Variants in SEL1L observed in about 807,000 individuals in gnomAD.
SEL1L encodes the protein protein sel-1 homolog 1.
SEL1L carries 52 observed loss-of-function variants against 109.8 expected under a neutral mutation model. The observed-to-expected ratio is 0.47, with a 90% CI of 0.38 to 0.60. SEL1L has a LOEUF of 0.60. SEL1L is among the 20% of genes least tolerant of loss of function. The probability of loss-of-function intolerance (pLI) is 0.00; values close to 1 mark genes in which losing one functional copy is unlikely to be tolerated. For synonymous variants in SEL1L, 373 were observed against 339.6 expected, an observed-to-expected ratio of 1.10 and a Z score of -1.08; for missense variants, 749 against 962.2, an observed-to-expected ratio of 0.78 and a Z score of 2.93.
At chr14:81,495,571 G>A (rs1219318067) in intron 10 of SEL1L, among the ~76,000 whole-genome samples, 6 of 152,114 alleles carry the variant, frequency 3.9e-5, no homozygotes, top group African/African-American at 7.2e-5. Context: ...TGGAGAGGTC[G>A]AGGCTGCAGT....
rs1903119619 is a variant in SEL1L at position 81,475,152 on chromosome 14, C to T, written c.*1820G>A. On this transcript the variant is annotated 3_prime_UTR_variant, in exon 21 of 21. Coordinates refer to ENST00000336735, the MANE Select transcript of SEL1L (RefSeq NM_005065.6). ...GTGGTGGAGACACCAAAGTACTGTA[C>T]CAACTGCACTCAAATCTCTACATGT... is the stretch of plus-strand genomic sequence containing the variant. 6.6e-6 allele frequency: 1 copy of T among 152,146 alleles called. No homozygotes were observed. The highest frequency in any genetic ancestry group is 2.1e-4 in the South Asian group (1 of 4,830). The allele number at this position is 152,146 out of a possible 1,614,324, so 9.4% of individuals were successfully genotyped here.
In SEL1L at chr14:81,472,900, G is replaced by A. The variant is rs1903049701; in HGVS notation, c.*4072C>T. On this transcript the variant is annotated 3_prime_UTR_variant, in exon 21 of 21. Transcript: ENST00000336735. Reference sequence around the variant, plus strand: ...CTGTCTGGAAAGGTGCTTGGTTGTGGTATATTACAGCATACAGGATAACCA... The same window carrying A: ...CTGTCTGGAAAGGTGCTTGGTTGTGATATATTACAGCATACAGGATAACCA... 4.6e-6 allele frequency: 1 copy of A among 218,780 alleles called. No individual in the cohort carries two copies. Among genetic ancestry groups the A allele is most frequent in the Non-Finnish European group, 9.3e-6 (1 of 107,934 alleles). 13.6% of individuals were successfully genotyped at this position (218,780 alleles called of 1,614,324 possible).
rs1263347414 is a variant in SEL1L, at chr14:81,477,109, T to C, written c.2248A>G (p.Ile750Val). The change falls in exon 21 of 21, where the codon ATC becomes GTC. Residue 750 changes from isoleucine (I) to valine (V), a missense_variant. Ile to Val is a conservative substitution (Grantham distance 29). Coordinates refer to ENST00000336735, the MANE Select transcript of SEL1L (RefSeq NM_005065.6). ...ACTGTTCCCAACAGCAGCGCAATGA[T>C]GGTCATGAGGTAAAGGTCCCACTCA... is the stretch of plus-strand genomic sequence containing the variant. ...GPEWDLYLMT[I>V]IALLLGTVIA... 4 of 1,614,030 alleles carry C rather than the reference T, an allele frequency of 2.5e-6. No individual in the cohort carries two copies. The highest frequency in any genetic ancestry group is 3.4e-6 in the Non-Finnish European group (4 of 1,180,028).
chr14:81,505,421 A>G (rs77913169), intron 4 of SEL1L, among the ~76,000 whole-genome samples: 2,994 of 152,304 alleles, frequency 0.02, 98 homozygotes, highest in African/African-American at 0.068. Context: ...TGGTGCATTA[A>G]CTGGAGTACC....
Position 81,498,436 on chromosome 14 carries a change from T to C in SEL1L, c.950A>G (p.His317Arg). 1 of 1,613,878 alleles carries C rather than the reference T, an allele frequency of 6.2e-7. No individual in the cohort carries two copies. The highest frequency in any genetic ancestry group is 8.5e-7 in the Non-Finnish European group (1 of 1,179,884). Residue 317 changes from histidine (H) to arginine (R), a missense_variant, in exon 9 of 21, where the codon CAC becomes CGC. His to Arg is a conservative substitution (Grantham distance 29). Transcript: ENST00000336735. Reference sequence around the variant, plus strand: ...ACCATGATTGGCAACAAGACGATAGTGAGTCAGGGCAGATTCACAACTCTG... The same window carrying C: ...ACCATGATTGGCAACAAGACGATAGCGAGTCAGGGCAGATTCACAACTCTG... The part of the protein sequence containing the change: ...VLQSCESALT[H>R]YRLVANHVAS...
At chr14:81,499,397 C>G in intron 8 of SEL1L, 62 bp downstream of exon 8, 2 of 1,567,582 alleles carry the variant, frequency 1.3e-6, no homozygotes, top group Non-Finnish European at 1.7e-6. Flanking sequence ...AAGTTGTGGC[C>G]GCTATAAACC....
intron 10 of SEL1L, 119 bp downstream of exon 10, chr14:81,497,773 T>TTAGAA: frequency 1.1e-6 from 1 of 878,188 alleles, no homozygotes; most frequent in South Asian, 1.9e-5. Context: ...TAATATGTAG[T>TTAGAA]TCATAATTGC....
At chr14:81,492,459 C>T (rs1287928907) in intron 12 of SEL1L, 21 bp downstream of exon 12, 10 of 1,576,836 alleles carry the variant, frequency 6.3e-6, no homozygotes, top group Non-Finnish European at 8.7e-6. Flanking sequence ...TTACATAAAA[C>T]ATTCACAGGA....
Position 81,526,918 on chromosome 14 carries a change from C to A in SEL1L, c.155G>T (p.Gly52Val). 1 of 1,603,072 alleles carries A rather than the reference C, an allele frequency of 6.2e-7. No individual in the cohort carries two copies. The highest frequency in any genetic ancestry group is 1.1e-5 in the South Asian group (1 of 88,890). Residue 52 changes from glycine to valine, a missense_variant, in exon 3 of 21, where the codon GGC becomes GTC. This residue lies in a region of SEL1L where 366 missense variants were observed against 399.8 expected (regional missense o/e 0.92). Coordinates refer to ENST00000336735, the MANE Select transcript of SEL1L (RefSeq NM_005065.6). Reference protein sequence around the residue: ...DESVKDHTTAGRVVAGQIFLD... With the variant: ...DESVKDHTTAVRVVAGQIFLD... ...AAATATTTGACCAGCAACTACTCTG[C>A]CTGCAGTAGTATGGTCCTTTACTGA...
Position 81,477,015 on chromosome 14 carries a change from G to A in SEL1L, c.2342C>T (p.Pro781Leu). 1.2e-6 allele frequency: 2 copies of A among 1,614,186 alleles called. No individual in the cohort carries two copies. The highest frequency in any genetic ancestry group is 1.7e-6 in the Non-Finnish European group (2 of 1,180,044). Residue 781 changes from proline (P) to leucine (L), a missense_variant, in exon 21 of 21, where the codon CCA becomes CTA. Physicochemically the swap from Pro to Leu is moderately conservative, Grantham distance 98. Coordinates refer to ENST00000336735, the MANE Select transcript of SEL1L (RefSeq NM_005065.6). ...CTCTGGTGGCCCCTCCTGCTGGGGT[G>A]GAGCTGGCCGTGGCCCTGGAGGCCT... ...APRPPGPRPA[P>L]PQQEGPPEQQ...
chr14:81,526,859 T>G lies in SEL1L; in HGVS notation c.214A>C (p.Ile72Leu). ...TTGAGGCTGTCTTCCTCTTCTTGAA[T>G]AGAGGATTCTAATTCAGATTCTTCT... ...DSEESELESS[I>L]QEEEDSLKSQ... is the part of the protein sequence containing the mutation. Residue 72 changes from isoleucine (I) to leucine (L), a missense_variant, in exon 3 of 21, where the codon ATT becomes CTT. Physicochemically the swap from Ile to Leu is conservative, Grantham distance 5 (BLOSUM62 2). This residue lies in a region of SEL1L where 366 missense variants were observed against 399.8 expected (regional missense o/e 0.92). Coordinates refer to ENST00000336735, the MANE Select transcript of SEL1L (RefSeq NM_005065.6). The G allele has an allele frequency of 6.2e-7, 1 of 1,600,528 alleles. No individual in the cohort carries two copies. The highest frequency in any genetic ancestry group is 1.3e-5 in the African/African-American group (1 of 74,134).
In SEL1L at chr14:81,474,036, C is replaced by T. The variant is rs1297357325; in HGVS notation, c.*2936G>A. 6.6e-6 allele frequency: 1 copy of T among 151,918 alleles called. No individual in the cohort carries two copies. Among genetic ancestry groups the T allele is most frequent in the Non-Finnish European group, 1.5e-5 (1 of 67,968 alleles). 9.4% of individuals were successfully genotyped at this position (151,918 alleles called of 1,614,324 possible). A position where few individuals can be genotyped will look rare whatever the true frequency, so the allele number is the denominator to read the frequency against. On this transcript the variant is annotated 3_prime_UTR_variant, in exon 21 of 21. Transcript: ENST00000336735. ...GAATGGCTTAGTGGTAAGACTCTCA[C>T]ATGTAAGGTAAAAATTAACCTAATA...
At position 81,486,469 on chromosome 14, in the gene SEL1L, G is replaced by GA. The variant is rs769177565; in HGVS notation, c.1633-16dup. On this transcript the variant is annotated splice_polypyrimidine_tract_variant and intron_variant, in intron 16 of 20. Coordinates refer to ENST00000336735, the MANE Select transcript of SEL1L (RefSeq NM_005065.6). ...TTCTTAAACAACTGTGTGAGGTGGG[G>GA]AAAAAAAATATCAGTAGAAGAAAAT... is the stretch of plus-strand genomic sequence containing the variant. 3.1e-6 allele frequency: 5 copies of GA among 1,600,612 alleles called. No individual in the cohort carries two copies. The highest frequency in any genetic ancestry group is 1.7e-4 in the Middle Eastern group (1 of 5,966).
In SEL1L at chr14:81,473,069, C is replaced by T. The variant is rs1903054073; in HGVS notation, c.*3903G>A. On this transcript the variant is annotated 3_prime_UTR_variant, in exon 21 of 21. Transcript: ENST00000336735. Reference sequence around the variant, plus strand: ...TTTCATTAAATACAAAATACATTTACAAAAAGAGTCTACCATGGTGTTCCT... The same window carrying T: ...TTTCATTAAATACAAAATACATTTATAAAAAGAGTCTACCATGGTGTTCCT... The T allele has an allele frequency of 6.6e-6, 1 of 152,516 alleles. No homozygotes were observed. Among genetic ancestry groups the T allele is most frequent in the Non-Finnish European group, 1.5e-5 (1 of 68,184 alleles). The allele number at this position is 152,516 out of a possible 1,614,324, so 9.4% of individuals were successfully genotyped here. A position where few individuals can be genotyped will look rare whatever the true frequency, so the allele number is the denominator to read the frequency against.
chr14:81,480,796 A>T (rs563234612), intron 19 of SEL1L, among the ~76,000 whole-genome samples: 1 of 152,212 alleles, frequency 6.6e-6, no homozygotes, highest in Non-Finnish European at 1.5e-5. Flanking sequence ...TGCAGCTTCC[A>T]TATGTGCTTT....
chr14:81,492,560 G>T lies in SEL1L; in HGVS notation c.1186-12C>A, dbSNP rs564848053. The T allele has an allele frequency of 2.6e-6, 4 of 1,557,734 alleles. No homozygotes were observed. Among genetic ancestry groups the T allele is most frequent in the South Asian group, 1.2e-5 (1 of 84,466 alleles). On this transcript the variant is annotated splice_polypyrimidine_tract_variant and intron_variant, in intron 11 of 20. Coordinates refer to ENST00000336735, the MANE Select transcript of SEL1L (RefSeq NM_005065.6). ...TAGTCAAATGCTCTCTATGAGAAAAGAATTTATTAAAATAATTAGTTTTTA... is the reference window on the plus strand; with the variant it reads ...TAGTCAAATGCTCTCTATGAGAAAATAATTTATTAAAATAATTAGTTTTTA...
In SEL1L at chr14:81,528,054, T is replaced by A. The variant is rs151046218; in HGVS notation, c.71-316A>T. Among the ~76,000 whole-genome samples, 1,163 of 152,252 alleles carry A rather than the reference T, an allele frequency of 7.6e-3. 6 individuals carry two copies. The highest frequency in any genetic ancestry group is 0.024 in the South Asian group (114 of 4,832). On this transcript the variant is annotated intron_variant, in intron 1 of 20. Transcript: ENST00000336735. ...TCACATTCCATCCAATTCTTGTGGG[T>A]CTATTTAGTCTATTTCTGAGAATGA... is the stretch of plus-strand genomic sequence containing the variant.
At chr14:81,510,514 C>CTCTATA (rs35474067) in intron 3 of SEL1L, among the ~76,000 whole-genome samples, 1,139 of 103,990 alleles carry the variant, frequency 0.011, 15 homozygotes, top group Middle Eastern at 0.022. Flanking sequence ...CTCTCTCTCT[C>CTCTATA]TATATATATA....
intron 4 of SEL1L, 53 bp from the exon 5 acceptor site, chr14:81,504,359 CA>C (rs1197815148): frequency 3.9e-6 from 5 of 1,282,386 alleles, no homozygotes; most frequent in Non-Finnish European, 5.4e-6. Flanking sequence ...TATCAATTAT[CA>C]ACCATTAGTA....
Sources: gnomAD v4.1 joint callset for allele counts (sites outside exome capture counted in the v4.1 genomes callset) on GRCh38, gnomAD v4.1.1 for gene constraint, gnomAD v4.1.1 regional missense constraint, MANE v1.5 for transcripts, NCBI Gene and HGNC (gene_info 2026-07-23, HGNC 2026-07-21) for gene names.